The following TOR2A variants were observed in gnomAD, a reference collection of about 807,000 sequenced individuals.
TOR2A encodes the protein torsin family 2 member A.
In TOR2A, 24 loss-of-function variants were observed where a neutral mutation model predicts 28.6. That is an observed-to-expected ratio of 0.84 (90% CI 0.61 to 1.18). TOR2A has a LOEUF of 1.18. Among genes scored for constraint, TOR2A ranks in the 50% most tolerant of loss-of-function variants. The pLI is 0.00. For synonymous variants in TOR2A, 203 were observed against 203.1 expected, an observed-to-expected ratio of 1.00 and a Z score of 0.00; for missense variants, 426 against 448.1, an observed-to-expected ratio of 0.95 and a Z score of 0.45.
At position 127,732,549 on chromosome 9, in the gene TOR2A, C is replaced by T. The variant is rs1395900884; in HGVS notation, c.721+15G>A. Reference sequence around the variant, plus strand: ...GGTGAAGCTGCCCGGGAGGGGGCTGCTGAGCCAGACTCACGGTGCGGGTTG... The same window carrying T: ...GGTGAAGCTGCCCGGGAGGGGGCTGTTGAGCCAGACTCACGGTGCGGGTTG... On this transcript the variant is annotated intron_variant, in intron 4 of 4. Coordinates refer to ENST00000373284, the MANE Select transcript of TOR2A (RefSeq NM_001085347.3). The T allele has an allele frequency of 6.4e-7, 1 of 1,572,218 alleles. No homozygotes were observed. The highest frequency in any genetic ancestry group is 1.1e-5 in the South Asian group (1 of 87,328).
rs72616666 is a variant in TOR2A at position 127,732,737 on chromosome 9, G to T, written c.594-46C>A. 3.9e-6 allele frequency: 6 copies of T among 1,545,616 alleles called. No individual in the cohort carries two copies. In the African/African-American group the frequency reaches 5.5e-5, roughly 14 times the overall value. On this transcript the variant is annotated intron_variant, in intron 3 of 4. Transcript: ENST00000373284. ...GGCTGAGACTCAGATGAGGACTAGC[G>T]CAGGGCAGGATTGGACCCTCGCTTC...
intron 3 of TOR2A, chr9:127,733,100 C>A: frequency 6.7e-7 from 1 of 1,501,660 alleles, no homozygotes; most frequent in Middle Eastern, 1.9e-4. Flanking sequence ...TTTTCCCAGG[C>A]CTGTGTCCTC....
chr9:127,733,560 TCTG>T lies in TOR2A; in HGVS notation c.418-3_418-1del. Reference sequence around the variant, plus strand: ...CCTTGGACCCAGCTCTTCAGATCCTTCTGTAGGGGAGAGACAGGAGTTCCAGGG... The same window carrying T: ...CCTTGGACCCAGCTCTTCAGATCCTTTAGGGGAGAGACAGGAGTTCCAGGG... On this transcript the variant is annotated splice_acceptor_variant and splice_polypyrimidine_tract_variant and intron_variant, in intron 2 of 4. Transcript: ENST00000373284. LOFTEE classifies it high-confidence loss of function. 1 of 1,607,576 alleles carries T rather than the reference TCTG, an allele frequency of 6.2e-7. No individual in the cohort carries two copies.
Position 127,731,889 on chromosome 9 carries a change from G to T in TOR2A, c.*145C>A. 6.8e-7 allele frequency: 1 copy of T among 1,466,262 alleles called. No homozygotes were observed. Among genetic ancestry groups the T allele is most frequent in the Non-Finnish European group, 9.0e-7 (1 of 1,105,822 alleles). The allele number at this position is 1,466,262 out of a possible 1,614,324, so 90.8% of individuals were successfully genotyped here. On this transcript the variant is annotated 3_prime_UTR_variant, in exon 5 of 5. Transcript: ENST00000373284. ...AAGATGCTCTCGAGCCAGTTTAGAG[G>T]CCAGGGCCCTTCCTGGCCATCTGTC...
Position 127,732,682 on chromosome 9 carries a change from A to G in TOR2A, c.603T>C (p.Gly201=). ...KAIFIFISNT[G]GKQINQVALE... is the part of the protein sequence containing the mutation. ...ATGCCACCTGGTTGATCTGCTTGCC[A>G]CCCGTGTTGCTAAAACCATGGGGGA... Residue 201 remains glycine, a synonymous_variant, in exon 4 of 5, where the codon GGT becomes GGC. Transcript: ENST00000373284. The G allele has an allele frequency of 6.4e-7, 1 of 1,563,030 alleles. No homozygotes were observed.
Position 127,733,548 on chromosome 9 carries a change from T to C in TOR2A, c.430A>G (p.Ser144Gly), listed in dbSNP as rs760689018. The C allele has an allele frequency of 7.4e-6, 12 of 1,611,846 alleles. No individual in the cohort carries two copies. Among genetic ancestry groups the C allele is most frequent in the Middle Eastern group, 1.8e-4 (1 of 5,634 alleles). ...HIERYKKDLK[S>G]WVQGNLTACG... ...GCAGTGAGGTTCCCTTGGACCCAGCTCTTCAGATCCTTCTGTAGGGGAGAG... is the reference window on the plus strand; with the variant it reads ...GCAGTGAGGTTCCCTTGGACCCAGCCCTTCAGATCCTTCTGTAGGGGAGAG... The change falls in exon 3 of 5, where the codon AGC becomes GGC. Residue 144 changes from serine (S) to glycine (G), a missense_variant. Transcript: ENST00000373284.
Position 127,733,380 on chromosome 9 carries a change from C to T in TOR2A, c.593+5G>A, listed in dbSNP as rs762772139. 6.2e-7 allele frequency: 1 copy of T among 1,613,804 alleles called. No homozygotes were observed. The highest frequency in any genetic ancestry group is 2.2e-5 in the East Asian group (1 of 44,886). ...CACTGTGCCCACTGCAAAGCCGGGCCCCACCTGATGAAGATGAAGATGGCT... is the reference window on the plus strand; with the variant it reads ...CACTGTGCCCACTGCAAAGCCGGGCTCCACCTGATGAAGATGAAGATGGCT... On this transcript the variant is annotated splice_donor_5th_base_variant and intron_variant, in intron 3 of 4. Coordinates refer to ENST00000373284, the MANE Select transcript of TOR2A (RefSeq NM_001085347.3).
Position 127,732,630 on chromosome 9 carries a change from G to C in TOR2A, c.655C>G (p.Arg219Gly), listed in dbSNP as rs748323312. Residue 219 changes from arginine (R) to glycine (G), a missense_variant, in exon 4 of 5, where the codon CGC becomes GGC. By Grantham distance (125) the Arg-to-Gly change is moderately radical. Coordinates refer to ENST00000373284, the MANE Select transcript of TOR2A (RefSeq NM_001085347.3). ...ALEAWRSRRD[R>G]EEILLQELEP... ...AGCTCCTGCAGGAGGATCTCCTCGCGGTCCCGCCGGCTGCGCCACGCCTCC... is the reference window on the plus strand; with the variant it reads ...AGCTCCTGCAGGAGGATCTCCTCGCCGTCCCGCCGGCTGCGCCACGCCTCC... 6.4e-6 allele frequency: 10 copies of C among 1,574,698 alleles called. No homozygotes were observed. The South Asian group carries it at 1.0e-4, about 16-fold the overall frequency.
At chr9:127,732,499 G>A (rs990423836) in intron 4 of TOR2A, 65 bp downstream of exon 4, 98 of 1,502,924 alleles carry the variant, frequency 6.5e-5, no homozygotes, top group Non-Finnish European at 8.0e-5. Flanking sequence ...ATGAGACCCC[G>A]GGAGAGCCTG....
In TOR2A at chr9:127,732,049, G is replaced by A. The variant is rs143878514; in HGVS notation, c.951C>T (p.Ile317=). Residue 317 remains isoleucine, a synonymous_variant, in exon 5 of 5, where the codon ATC becomes ATT. Transcript: ENST00000373284. Reference sequence around the variant, plus strand: ...ACTCAGAGAGTCAGAGGAAGAAGGCGATTCGGGAGGCCACGGTCTTGCAGC... The same window carrying A: ...ACTCAGAGAGTCAGAGGAAGAAGGCAATTCGGGAGGCCACGGTCTTGCAGC... ...SNGCKTVASR[I]AFFL is the part of the protein sequence containing the mutation. 3.0e-4 allele frequency: 486 copies of A among 1,613,634 alleles called. 1 individual carries two copies. Among genetic ancestry groups the A allele is most frequent in the East Asian group, 2.0e-3 (90 of 44,876 alleles).
intron 3 of TOR2A, chr9:127,733,020 C>A (rs1455955935): frequency 1.9e-5 from 26 of 1,394,122 alleles, no homozygotes; most frequent in Non-Finnish European, 2.4e-5. Flanking sequence ...AGAGGCGGAG[C>A]CATGCTGCCT....
chr9:127,733,125 G>C, intron 3 of TOR2A: 1 of 1,522,964 alleles, frequency 6.6e-7, no homozygotes, highest in Non-Finnish European at 8.8e-7. Context: ...CCACAAAAGA[G>C]GGAAAACTTC....
At position 127,734,470 on chromosome 9, in the gene TOR2A, G is replaced by A. The variant is rs749321185; in HGVS notation, c.246C>T (p.Ala82=). 1.2e-5 allele frequency: 20 copies of A among 1,605,524 alleles called. No individual in the cohort carries two copies. Among genetic ancestry groups the A allele is most frequent in the Non-Finnish European group, 1.7e-5 (20 of 1,176,420 alleles). The change falls in exon 2 of 5, where the codon GCC becomes GCT. Residue 82 remains alanine (A), a synonymous_variant. Coordinates refer to ENST00000373284, the MANE Select transcript of TOR2A (RefSeq NM_001085347.3). ...GGGAGAGGACCAGCGGCTTGGTGGG[G>A]GCTGGGTCCCGCACAAAGGCCTTCA... ...KALKAFVRDP[A]PTKPLVLSLH...
chr9:127,734,381 TG>T lies in TOR2A; in HGVS notation c.334del (p.Gln112ArgfsTer31). On this transcript the variant is annotated frameshift_variant, in exon 2 of 5. Coordinates refer to ENST00000373284, the MANE Select transcript of TOR2A (RefSeq NM_001085347.3). LOFTEE classifies it high-confidence loss of function. ...CACGCGGGGGCTGCGGAGGCCGCCC[TG>T]GAAGAGGTAGTGCGCCAGCAGGGAG... ...VSSLLAHYLF[Q>X]GGLRSPRVHH... The T allele has an allele frequency of 6.2e-7, 1 of 1,612,564 alleles. No individual in the cohort carries two copies. Among genetic ancestry groups the T allele is most frequent in the Non-Finnish European group, 8.5e-7 (1 of 1,179,760 alleles).
chr9:127,731,668 G>C lies in TOR2A; in HGVS notation c.*366C>G. On this transcript the variant is annotated 3_prime_UTR_variant, in exon 5 of 5. Transcript: ENST00000373284. Reference sequence around the variant, plus strand: ...TGGCTTGATATGGACACAGGGTGTGGGGTGGAGGGGAGGAGGTATGGTGCC... The same window carrying C: ...TGGCTTGATATGGACACAGGGTGTGCGGTGGAGGGGAGGAGGTATGGTGCC... The C allele has an allele frequency of 1.2e-6, 1 of 852,784 alleles. No individual in the cohort carries two copies. The highest frequency in any genetic ancestry group is 1.7e-6 in the Non-Finnish European group (1 of 588,832). 52.8% of individuals were successfully genotyped at this position (852,784 alleles called of 1,614,324 possible). A position where few individuals can be genotyped will look rare whatever the true frequency, so the allele number is the denominator to read the frequency against.
chr9:127,733,655 G>C (rs767838678), intron 2 of TOR2A, 95 bp from the exon 3 acceptor site: 27 of 1,173,364 alleles, frequency 2.3e-5, no homozygotes, highest in Non-Finnish European at 3.2e-5. Flanking sequence ...TTCTAGGGAA[G>C]GATGTGGTCT....
chr9:127,732,919 C>T, intron 3 of TOR2A: 1 of 1,412,236 alleles, frequency 7.1e-7, no homozygotes, highest in East Asian at 2.6e-5. Flanking sequence ...ACTTTTGTGT[C>T]CCTCAACTGA....
At position 127,734,367 on chromosome 9, in the gene TOR2A, T is replaced by C; in HGVS notation, c.349A>G (p.Ser117Gly). ...AHYLFQGGLR[S>G]PRVHHFSPVL... ...GGAGAAAAGTGGTGCACGCGGGGGCTGCGGAGGCCGCCCTGGAAGAGGTAG... is the reference window on the plus strand; with the variant it reads ...GGAGAAAAGTGGTGCACGCGGGGGCCGCGGAGGCCGCCCTGGAAGAGGTAG... Residue 117 changes from serine (S) to glycine (G), a missense_variant, in exon 2 of 5, where the codon AGC becomes GGC. Transcript: ENST00000373284. 1 of 1,612,300 alleles carries C rather than the reference T, an allele frequency of 6.2e-7. No individual in the cohort carries two copies. The highest frequency in any genetic ancestry group is 8.5e-7 in the Non-Finnish European group (1 of 1,179,610).
In TOR2A at chr9:127,732,027, C is replaced by T. The variant is rs1440503430; in HGVS notation, c.*7G>A. On this transcript the variant is annotated 3_prime_UTR_variant, in exon 5 of 5. Transcript: ENST00000373284. The stretch of plus-strand genomic sequence containing the variant: ...CATCAGGGGGGCCGAGGACACCACT[C>T]AGAGAGTCAGAGGAAGAAGGCGATT... 1 of 1,611,486 alleles carries T rather than the reference C, an allele frequency of 6.2e-7. No individual in the cohort carries two copies. The highest frequency in any genetic ancestry group is 8.5e-7 in the Non-Finnish European group (1 of 1,178,758).
Sources: gnomAD v4.1 joint callset for allele counts on GRCh38, gnomAD v4.1.1 for gene constraint, MANE v1.5 for transcripts, NCBI Gene and HGNC (gene_info 2026-07-23, HGNC 2026-07-21) for gene names.